Variants in DIAPH3 observed in about 807,000 individuals in gnomAD.
DIAPH3 encodes the protein diaphanous related formin 3.
In DIAPH3, 117 loss-of-function variants were observed where a neutral mutation model predicts 144.3. The ratio of observed to expected loss-of-function variants is 0.81; its 90% CI spans 0.70 to 0.95. DIAPH3 has a LOEUF of 0.95. DIAPH3 is among the 40% of genes least tolerant of loss of function. DIAPH3 has a pLI of 0.00. For synonymous variants in DIAPH3, 519 were observed against 488.9 expected (o/e 1.06, Z -0.81); for missense variants, 1,421 against 1,412.7 (o/e 1.01, Z -0.09).
At chr13:60,011,287 G>A (rs2053244497) in intron 7 of DIAPH3, among the ~76,000 whole-genome samples, 1 of 152,060 alleles carries the variant, frequency 6.6e-6, no homozygotes, top group African/African-American at 2.4e-5. Flanking sequence ...TTTGCCAACA[G>A]AAGCATATGA....
chr13:60,025,775 A>G (rs1353049023), intron 5 of DIAPH3, among the ~76,000 whole-genome samples: 1 of 152,172 alleles, frequency 6.6e-6, no homozygotes, highest in Non-Finnish European at 1.5e-5. Flanking sequence ...ATAATTTGGG[A>G]TTAAAGAGTT....
chr13:59,854,432 A>C (rs1761898602), intron 22 of DIAPH3, among the ~76,000 whole-genome samples: 1 of 152,136 alleles, frequency 6.6e-6, no homozygotes, highest in African/African-American at 2.4e-5. Flanking sequence ...AGCAGCTGAC[A>C]ATTCTACCTG....
At chr13:59,939,575 T>C (rs562114256) in intron 17 of DIAPH3, among the ~76,000 whole-genome samples, 1 of 152,248 alleles carries the variant, frequency 6.6e-6, no homozygotes, top group African/African-American at 2.4e-5. Flanking sequence ...ACATGGATAA[T>C]GTATAGAATT....
chr13:59,859,763 A>G (rs2043471351), intron 22 of DIAPH3, among the ~76,000 whole-genome samples: 1 of 152,196 alleles, frequency 6.6e-6, no homozygotes. Flanking sequence ...GTTATTTTGA[A>G]TATCACTGAG....
chr13:59,880,750 C>T (rs959450694), intron 20 of DIAPH3, among the ~76,000 whole-genome samples: 9 of 151,782 alleles, frequency 5.9e-5, no homozygotes, highest in Non-Finnish European at 8.8e-5. Flanking sequence ...TAGACCAAAG[C>T]CCTATAGTGA....
intron 19 of DIAPH3, 102 bp from the exon 20 acceptor site, chr13:59,911,938 T>C: frequency 1.1e-6 from 1 of 947,192 alleles, no homozygotes; most frequent in African/African-American, 1.7e-5. Flanking sequence ...GAAGTTAATC[T>C]TCAGTTTTAT....
chr13:59,682,581 A>G (rs2033001061), intron 27 of DIAPH3, among the ~76,000 whole-genome samples: 2 of 152,246 alleles, frequency 1.3e-5, no homozygotes, highest in African/African-American at 4.8e-5. Flanking sequence ...GAAATAGTGC[A>G]GTTTCTTAAA....
At chr13:59,704,081 A>G (rs2138774461) in intron 27 of DIAPH3, among the ~76,000 whole-genome samples, 1 of 152,300 alleles carries the variant, frequency 6.6e-6, no homozygotes, top group South Asian at 2.1e-4. Flanking sequence ...TCATTTCCTC[A>G]GCAAAAATAG....
intron 9 of DIAPH3, among the ~76,000 whole-genome samples, chr13:59,994,616 C>T (rs538091142): frequency 6.6e-6 from 1 of 151,852 alleles, no homozygotes; most frequent in South Asian, 2.1e-4. Flanking sequence ...TAAATGAGAA[C>T]TAAGACAGCT....
chr13:59,744,742 T>C (rs1277049363), intron 27 of DIAPH3, among the ~76,000 whole-genome samples: 2 of 151,860 alleles, frequency 1.3e-5, no homozygotes, highest in African/African-American at 4.8e-5. Context: ...TGGCCAGGAG[T>C]GGGGCAAGAG....
At chr13:59,816,330 T>C (rs891318413) in intron 24 of DIAPH3, among the ~76,000 whole-genome samples, 1 of 152,006 alleles carries the variant, frequency 6.6e-6, no homozygotes, top group Non-Finnish European at 1.5e-5. Flanking sequence ...AAATTAGTTA[T>C]AGAACTATTC....
In DIAPH3 at chr13:60,163,894, C is replaced by G; in HGVS notation, c.-128G>C. The G allele has an allele frequency of 8.1e-7, 1 of 1,236,032 alleles. No homozygotes were observed. The highest frequency in any genetic ancestry group is 1.1e-6 in the Non-Finnish European group (1 of 909,848). 76.6% of individuals were successfully genotyped at this position (1,236,032 alleles called of 1,614,324 possible). On this transcript the variant is annotated 5_prime_UTR_variant, in exon 1 of 28. Coordinates refer to ENST00000400324, the MANE Select transcript of DIAPH3 (RefSeq NM_001042517.2). ...CCCAAACAGTCAGCACAGCCTAGCC[C>G]AACCGCTGAAGTCGGGGCCGCAGCC...
intron 27 of DIAPH3, among the ~76,000 whole-genome samples, chr13:59,751,094 A>C (rs369914696): frequency 1.3e-4 from 20 of 152,236 alleles, no homozygotes; most frequent in African/African-American, 3.9e-4. Context: ...GCTGCTCTAC[A>C]ACTGTGCTAG....
intron 3 of DIAPH3, among the ~76,000 whole-genome samples, 180 bp from the exon 4 acceptor site, chr13:60,093,912 A>T (rs2058030283): frequency 6.6e-6 from 1 of 152,220 alleles, no homozygotes; most frequent in Non-Finnish European, 1.5e-5. Context: ...GGAGAGAAGA[A>T]AGTATTCTAG....
chr13:60,113,055 T>G (rs2058612158), intron 2 of DIAPH3, among the ~76,000 whole-genome samples: 1 of 151,404 alleles, frequency 6.6e-6, no homozygotes, highest in Admixed American at 6.6e-5. Flanking sequence ...TTCCATGAGT[T>G]TTTTTTTATC....
chr13:59,779,383 G>A (rs1274179141), intron 25 of DIAPH3, among the ~76,000 whole-genome samples: 2 of 152,164 alleles, frequency 1.3e-5, no homozygotes, highest in Non-Finnish European at 2.9e-5. Flanking sequence ...ATTGCTAAGT[G>A]ATATACAAAT....
At chr13:59,813,443 A>G (rs2040594262) in intron 24 of DIAPH3, among the ~76,000 whole-genome samples, 1 of 152,066 alleles carries the variant, frequency 6.6e-6, no homozygotes, top group African/African-American at 2.4e-5. Context: ...TAAAAGTAGT[A>G]AGAGGCAGTA....
chr13:60,153,564 T>C (rs1306399223), intron 1 of DIAPH3: 1 of 152,052 alleles, frequency 6.6e-6, no homozygotes, highest in Non-Finnish European at 1.5e-5. Context: ...AAGAATTAAA[T>C]TGATAGAAAG....
intron 17 of DIAPH3, among the ~76,000 whole-genome samples, chr13:59,925,305 AATACC>A (rs1237037998): frequency 2.0e-5 from 3 of 152,162 alleles, no homozygotes; most frequent in African/African-American, 7.2e-5. Flanking sequence ...TCTAATATAC[AATACC>A]ATTCTTATTT....
Sources: allele counts gnomAD v4.1 joint callset (sites outside exome capture counted in the v4.1 genomes callset), GRCh38; gene constraint gnomAD v4.1.1; transcripts MANE v1.5; gene names NCBI Gene and HGNC (gene_info 2026-07-23, HGNC 2026-07-21).